Variants in SIMC1 observed in about 807,000 individuals in gnomAD.
SIMC1 encodes SUMO interacting motifs containing 1, also known as SUMO-interacting motif-containing protein 1.
In SIMC1, 55 loss-of-function variants were observed where a neutral mutation model predicts 82.3. That is an observed-to-expected ratio of 0.67 (90% CI 0.54 to 0.84). The LOEUF (loss-of-function observed/expected upper bound fraction) is 0.84. SIMC1 is among the 40% of genes least tolerant of loss of function. SIMC1 has a pLI of 0.00. For synonymous variants in SIMC1, 353 were observed against 426.3 expected, an observed-to-expected ratio of 0.83 and a Z score of 2.12; for missense variants, 915 against 1,107.2, an observed-to-expected ratio of 0.83 and a Z score of 2.46.
intron 1 of SIMC1, among the ~76,000 whole-genome samples, chr5:176,262,639 T>A (rs886242474): frequency 4.6e-5 from 7 of 152,128 alleles, no homozygotes; most frequent in African/African-American, 1.7e-4. Context: ...ATCTCGTCGC[T>A]ACTAAAAATA....
intron 7 of SIMC1, among the ~76,000 whole-genome samples, chr5:176,330,227 C>A (rs756434374): frequency 1.3e-5 from 2 of 151,946 alleles, no homozygotes; most frequent in Non-Finnish European, 2.9e-5. Flanking sequence ...ATGGTGAAAC[C>A]CTGTCTCTAC....
chr5:176,303,982 A>G (rs1325870734), intron 4 of SIMC1, among the ~76,000 whole-genome samples: 7 of 152,234 alleles, frequency 4.6e-5, no homozygotes, highest in Non-Finnish European at 1.0e-4. Context: ...GCTTCATGAC[A>G]TTGGATTTGG....
intron 1 of SIMC1, among the ~76,000 whole-genome samples, chr5:176,247,873 CCAT>C (rs1367342415): frequency 6.6e-6 from 1 of 151,828 alleles, no homozygotes; most frequent in East Asian, 1.9e-4. Flanking sequence ...AATTCTTTCC[CCAT>C]TGCTTGTTTT....
intron 4 of SIMC1, among the ~76,000 whole-genome samples, chr5:176,301,424 C>G (rs767880044): frequency 9.9e-5 from 15 of 152,110 alleles, no homozygotes; most frequent in Non-Finnish European, 2.1e-4. Context: ...ATAAATTACC[C>G]AGTCTAGGGT....
At position 176,345,333 on chromosome 5, in the gene SIMC1, C is replaced by T; in HGVS notation, c.2564C>T (p.Pro855Leu). 3.7e-6 allele frequency: 6 copies of T among 1,613,970 alleles called. No homozygotes were observed. The highest frequency in any genetic ancestry group is 5.1e-6 in the Non-Finnish European group (6 of 1,179,894). Residue 855 changes from proline to leucine, a missense_variant, in exon 10 of 10, where the codon CCT (proline) becomes CTT (leucine). Transcript: ENST00000429602. ...RSRLIQMLGE[P>L]LVPQLQDKVH... ...CGCCTGATCCAGATGCTGGGGGAGC[C>T]TCTTGTCCCCCAACTCCAAGACAAA...
intron 1 of SIMC1, among the ~76,000 whole-genome samples, chr5:176,277,854 T>A (rs1762786341): frequency 6.6e-6 from 1 of 151,774 alleles, no homozygotes; most frequent in African/African-American, 2.4e-5. Context: ...GACTGTAGCC[T>A]TGTAGTATAG....
rs544924138 is a variant in SIMC1, at chr5:176,284,559, G to A, written c.130-5095G>A. ...GGGAAATTTATAGCACTAAATGCCC[G>A]CAAGAGAAAGCAGGAAAGATCTAAA... On this transcript the variant is annotated intron_variant, in intron 1 of 9. Coordinates refer to ENST00000429602, the MANE Select transcript of SIMC1 (RefSeq NM_001308195.2). Among the ~76,000 whole-genome samples the A allele has an allele frequency of 9.8e-4, 149 of 151,982 alleles. 1 individual carries two copies. Among genetic ancestry groups the A allele is most frequent in the Admixed American group, 4.4e-3 (67 of 15,232 alleles).
intron 9 of SIMC1, among the ~76,000 whole-genome samples, chr5:176,337,455 G>T (rs190002398): frequency 6.6e-6 from 1 of 152,120 alleles, no homozygotes; most frequent in African/African-American, 2.4e-5. Context: ...TTAGCCAGGC[G>T]TGGTGGTGTA....
intron 1 of SIMC1, among the ~76,000 whole-genome samples, chr5:176,262,441 C>T (rs1400192671): frequency 1.3e-5 from 2 of 151,822 alleles, no homozygotes; most frequent in Admixed American, 6.6e-5. Context: ...AAGGATGTCT[C>T]CTCACTACTC....
At chr5:176,252,497 A>G (rs1194512978) in intron 1 of SIMC1, among the ~76,000 whole-genome samples, 3 of 145,700 alleles carry the variant, frequency 2.1e-5, no homozygotes, top group Non-Finnish European at 4.5e-5. Context: ...CTCACATCCC[A>G]GACGGGGTGG....
intron 4 of SIMC1, among the ~76,000 whole-genome samples, chr5:176,299,392 TAAAA>T (rs567330074): frequency 7.6e-6 from 1 of 132,416 alleles, no homozygotes. Flanking sequence ...ACCCTGTCTC[TAAAA>T]AAAAAAAAAA....
chr5:176,324,041 G>C (rs998195802), intron 6 of SIMC1, among the ~76,000 whole-genome samples: 11 of 151,326 alleles, frequency 7.3e-5, no homozygotes, highest in Admixed American at 7.3e-4. Context: ...CTGATGTCAG[G>C]CCAGGCTCAC....
intron 1 of SIMC1, among the ~76,000 whole-genome samples, chr5:176,248,786 A>G (rs1353200238): frequency 1.3e-5 from 2 of 152,016 alleles, no homozygotes; most frequent in Non-Finnish European, 2.9e-5. Context: ...TTTCATCAAC[A>G]CCTAGTTTAT....
At chr5:176,305,515 C>T (rs1270851966) in intron 4 of SIMC1, among the ~76,000 whole-genome samples, 3 of 128,874 alleles carry the variant, frequency 2.3e-5, no homozygotes, top group East Asian at 2.4e-4. Context: ...CCAGCCACCC[C>T]GTCTGGGAGG....
chr5:176,302,986 T>G (rs1177055913), intron 4 of SIMC1, among the ~76,000 whole-genome samples: 1 of 152,168 alleles, frequency 6.6e-6, no homozygotes, highest in Non-Finnish European at 1.5e-5. Flanking sequence ...CAAAGTGATC[T>G]ACAGGTTCAA....
chr5:176,274,423 A>G (rs1335101844), intron 1 of SIMC1, among the ~76,000 whole-genome samples: 8 of 150,966 alleles, frequency 5.3e-5, no homozygotes, highest in East Asian at 1.9e-4. Flanking sequence ...TCAGATGAGT[A>G]GGTTGCAAAA....
At chr5:176,327,516 A>G in intron 7 of SIMC1, among the ~76,000 whole-genome samples, 1 of 152,188 alleles carries the variant, frequency 6.6e-6, no homozygotes, top group East Asian at 1.9e-4. Context: ...TTCTCTACAT[A>G]CACAATCACG....
intron 5 of SIMC1, among the ~76,000 whole-genome samples, chr5:176,318,723 T>C (rs1422130179): frequency 6.6e-6 from 1 of 152,250 alleles, no homozygotes; most frequent in Non-Finnish European, 1.5e-5. Flanking sequence ...ATAATTAGAC[T>C]GAGGATAGAT....
intron 1 of SIMC1, among the ~76,000 whole-genome samples, chr5:176,269,298 T>TA (rs1373682420): frequency 2.6e-5 from 4 of 152,158 alleles, no homozygotes; most frequent in Non-Finnish European, 4.4e-5. Flanking sequence ...ATCAGGGATT[T>TA]AAAAAATGTT....
Sources: gnomAD v4.1 joint callset for allele counts (sites outside exome capture counted in the v4.1 genomes callset) on GRCh38, gnomAD v4.1.1 for gene constraint, MANE v1.5 for transcripts, NCBI Gene and HGNC (gene_info 2026-07-23, HGNC 2026-07-21) for gene names.